ERG: variants seen among roughly 807,000 people sequenced by gnomAD.
The protein encoded by ERG is ETS transcription factor ERG.
In ERG, 9 loss-of-function variants were observed where a neutral mutation model predicts 55.3. The observed-to-expected ratio is 0.16, with a 90% CI of 0.10 to 0.28. ERG has a LOEUF of 0.28. Among genes scored for constraint, ERG ranks in the 10% least tolerant of loss-of-function variants. The pLI is 1.00. For missense variants in ERG, 434 were observed against 631.6 expected (o/e 0.69, Z 3.35); for synonymous variants, 223 against 237.3 (o/e 0.94, Z 0.55).
At chr21:38,396,299 AG>A (rs1988209259) in intron 6 of ERG, among the ~76,000 whole-genome samples, 1 of 152,256 alleles carries the variant, frequency 6.6e-6, no homozygotes, top group Non-Finnish European at 1.5e-5. Context: ...CTTCTTGCCT[AG>A]GTTTGCATAT....
At chr21:38,459,837 A>G (rs960071039) in intron 1 of ERG, among the ~76,000 whole-genome samples, 1 of 152,260 alleles carries the variant, frequency 6.6e-6, no homozygotes, top group African/African-American at 2.4e-5. Context: ...AAAGACACCT[A>G]TCTGCATAAG....
intron 1 of ERG, among the ~76,000 whole-genome samples, chr21:38,474,703 A>C (rs2059171288): frequency 6.7e-6 from 1 of 149,974 alleles, no homozygotes; most frequent in Non-Finnish European, 1.5e-5. Context: ...TTGTATAAAC[A>C]AACAAATACG....
intron 1 of ERG, among the ~76,000 whole-genome samples, chr21:38,638,031 C>A (rs1248051233): frequency 6.6e-6 from 1 of 152,154 alleles, no homozygotes; most frequent in South Asian, 2.1e-4. Context: ...TCAGAGAAAA[C>A]GAAGATCTAA....
At chr21:38,572,834 C>T (rs1329362691) in intron 2 of ERG, among the ~76,000 whole-genome samples, 3 of 144,834 alleles carry the variant, frequency 2.1e-5, no homozygotes, top group Admixed American at 6.6e-5. Context: ...TTAACCAATA[C>T]GATCAACCAA....
At chr21:38,405,932 C>A (rs1569071574) in intron 3 of ERG, among the ~76,000 whole-genome samples, 1 of 152,036 alleles carries the variant, frequency 6.6e-6, no homozygotes, top group Non-Finnish European at 1.5e-5. Context: ...GCGGGTGGAT[C>A]ACGAGGTCAG....
intron 1 of ERG, among the ~76,000 whole-genome samples, chr21:38,593,620 G>T (rs2244890): frequency 0.48 from 72,587 of 151,898 alleles, 17,807 homozygotes; most frequent in Middle Eastern, 0.61. Context: ...TTTTATATTT[G>T]CAAATGAACA....
chr21:38,545,444 G>A (rs1162826276), intron 2 of ERG, among the ~76,000 whole-genome samples: 1 of 152,064 alleles, frequency 6.6e-6, no homozygotes, highest in African/African-American at 2.4e-5. Flanking sequence ...GCGCCCCTGA[G>A]ACAGACACTG....
At position 38,380,489 on chromosome 21, in the gene ERG, C is replaced by T; in HGVS notation, c.*2914G>A. ...GCCAATTGAAGACAAGAAAAGAAGA[C>T]AAATCTCTTGCCAGCAGGAGTAAGA... is the stretch of plus-strand genomic sequence containing the variant. On this transcript the variant is annotated 3_prime_UTR_variant, in exon 10 of 10. Transcript: ENST00000288319. 1.9e-6 allele frequency: 2 copies of T among 1,065,320 alleles called. No individual in the cohort carries two copies. The highest frequency in any genetic ancestry group is 2.3e-6 in the Non-Finnish European group (2 of 879,308). The allele number at this position is 1,065,320 out of a possible 1,614,324, so 66.0% of individuals were successfully genotyped here. A position where few individuals can be genotyped will look rare whatever the true frequency, so the allele number is the denominator to read the frequency against.
At chr21:38,437,638 T>A (rs2058803144) in intron 2 of ERG, among the ~76,000 whole-genome samples, 1 of 152,190 alleles carries the variant, frequency 6.6e-6, no homozygotes, top group Admixed American at 6.5e-5. Context: ...CTCATGAGGA[T>A]TCCTAGTTAT....
intron 2 of ERG, among the ~76,000 whole-genome samples, chr21:38,557,166 C>T (rs1262197818): frequency 6.6e-6 from 1 of 152,176 alleles, no homozygotes; most frequent in South Asian, 2.1e-4. Flanking sequence ...CCTTGTGCCA[C>T]TGATATCATG....
At chr21:38,585,532 C>CTTTTTTTTT (rs760791568), upstream of ERG, among the ~76,000 whole-genome samples, 465 of 59,250 alleles carry the variant, frequency 7.8e-3, 77 homozygotes, top group African/African-American at 0.023. Flanking sequence ...TCTCTCTCTT[C>CTTTTTTTTT]TTTTTTTTTT....
intron 1 of ERG, among the ~76,000 whole-genome samples, chr21:38,656,840 C>T (rs751584040): frequency 6.6e-6 from 1 of 152,120 alleles, no homozygotes; most frequent in African/African-American, 2.4e-5. Flanking sequence ...TTTTAAAAGT[C>T]ATTCTATATA....
At chr21:38,463,426 A>G (rs886644479) in intron 1 of ERG, among the ~76,000 whole-genome samples, 2 of 152,204 alleles carry the variant, frequency 1.3e-5, no homozygotes, top group Non-Finnish European at 2.9e-5. Context: ...CTGGGGGAAT[A>G]CTGGCTCCAT....
chr21:38,554,551 C>G (rs1178019087), intron 2 of ERG, among the ~76,000 whole-genome samples: 1 of 152,084 alleles, frequency 6.6e-6, no homozygotes, highest in Non-Finnish European at 1.5e-5. Context: ...GGCCATTATC[C>G]TAAGGGAGTT....
At chr21:38,423,593 C>T (rs1193665279) in intron 2 of ERG, 32 bp from the exon 3 acceptor site, 21 of 1,586,724 alleles carry the variant, frequency 1.3e-5, no homozygotes, top group Non-Finnish European at 1.5e-5. Flanking sequence ...TCCATTATAA[C>T]AGCAATCAAA....
chr21:38,431,729 C>G (rs1990222108), intron 2 of ERG, among the ~76,000 whole-genome samples: 4 of 152,138 alleles, frequency 2.6e-5, no homozygotes, highest in African/African-American at 7.2e-5. Flanking sequence ...AAAGCTCTCC[C>G]TGGGTTAAGC....
At chr21:38,429,437 G>GTACA (rs1990024288) in intron 2 of ERG, among the ~76,000 whole-genome samples, 1 of 121,124 alleles carries the variant, frequency 8.3e-6, no homozygotes, top group Non-Finnish European at 1.9e-5. Context: ...GTGTATACAT[G>GTACA]TATACACGTG....
intron 1 of ERG, among the ~76,000 whole-genome samples, chr21:38,607,777 C>T (rs911699074): frequency 6.6e-6 from 1 of 152,132 alleles, no homozygotes; most frequent in Non-Finnish European, 1.5e-5. Context: ...TAATGATTAA[C>T]TTTAGAAATC....
At chr21:38,392,708 A>G (rs1988032701) in intron 6 of ERG, among the ~76,000 whole-genome samples, 1 of 152,124 alleles carries the variant, frequency 6.6e-6, no homozygotes, top group South Asian at 2.1e-4. Flanking sequence ...ATTTCCTACA[A>G]CCATAAGTCA....
Sources: gnomAD v4.1 joint callset for allele counts (sites outside exome capture counted in the v4.1 genomes callset) on GRCh38, gnomAD v4.1.1 for gene constraint, MANE v1.5 for transcripts, NCBI Gene and HGNC (gene_info 2026-07-23, HGNC 2026-07-21) for gene names.